The following GRID2 variants were observed in gnomAD, a reference collection of about 807,000 sequenced individuals.
GRID2 encodes the protein glutamate receptor ionotropic, delta-2.
A neutral mutation model predicts 114.8 loss-of-function variants in GRID2; 33 were observed. The ratio of observed to expected loss-of-function variants is 0.29; its 90% confidence interval spans 0.22 to 0.38. The LOEUF (loss-of-function observed/expected upper bound fraction) is 0.38, where lower values mean the gene tolerates loss of function less well. Ranked by LOEUF, GRID2 falls within the 10% of genes least tolerant of loss-of-function variation. GRID2 has a pLI of 1.00. For synonymous variants in GRID2, 505 were observed against 449.9 expected (o/e 1.12, Z -1.55); for missense variants, 1,184 against 1,257.7 (o/e 0.94, Z 0.89).
At chr4:92,953,643 G>A (rs1752182501) in intron 2 of GRID2, among the ~76,000 whole-genome samples, 2 of 152,020 alleles carry the variant, frequency 1.3e-5, no homozygotes, top group African/African-American at 4.8e-5. Flanking sequence ...TCTCTCGACA[G>A]GGAACAAATC....
chr4:93,679,538 C>T (rs1725289141), intron 14 of GRID2, among the ~76,000 whole-genome samples: 1 of 150,842 alleles, frequency 6.6e-6, no homozygotes, highest in African/African-American at 2.5e-5. Context: ...GTAAAGCACT[C>T]CTCAGCAAAT....
intron 2 of GRID2, among the ~76,000 whole-genome samples, chr4:92,991,325 CA>C (rs1280578337): frequency 6.6e-6 from 1 of 151,818 alleles, no homozygotes. Context: ...AAAAGTAGGC[CA>C]AAAAAATTAC....
intron 2 of GRID2, among the ~76,000 whole-genome samples, chr4:92,956,252 A>G (rs1191806118): frequency 1.3e-5 from 2 of 152,184 alleles, no homozygotes; most frequent in Non-Finnish European, 2.9e-5. Context: ...ACCCGGGTTC[A>G]CAGTTAAAGT....
chr4:92,337,725 T>G (rs1233751003), intron 1 of GRID2, among the ~76,000 whole-genome samples: 1 of 152,128 alleles, frequency 6.6e-6, no homozygotes, highest in Non-Finnish European at 1.5e-5. Flanking sequence ...TCCCACCAGG[T>G]CTCTCCCTTG....
intron 2 of GRID2, among the ~76,000 whole-genome samples, chr4:93,062,577 C>T (rs1004929706): frequency 2.0e-5 from 3 of 152,032 alleles, no homozygotes; most frequent in Non-Finnish European, 4.4e-5. Flanking sequence ...TTTTCTTTGA[C>T]TCTGATTCCT....
chr4:92,322,781 A>G (rs1726384125), intron 1 of GRID2, among the ~76,000 whole-genome samples: 1 of 152,174 alleles, frequency 6.6e-6, no homozygotes, highest in African/African-American at 2.4e-5. Context: ...TGCTGATTAA[A>G]GAAACAAATT....
chr4:92,872,885 C>T (rs777552470), intron 2 of GRID2, among the ~76,000 whole-genome samples: 4 of 152,110 alleles, frequency 2.6e-5, no homozygotes, highest in Non-Finnish European at 5.9e-5. Context: ...TGAAATAATG[C>T]GGTAATTTTT....
chr4:93,476,950 A>G (rs1193284533), intron 11 of GRID2, among the ~76,000 whole-genome samples: 1 of 151,936 alleles, frequency 6.6e-6, no homozygotes, highest in Non-Finnish European at 1.5e-5. Flanking sequence ...TAAGGAAGAC[A>G]TGTGGCAGAC....
At chr4:92,452,482 A>C (rs781199187) in intron 1 of GRID2, among the ~76,000 whole-genome samples, 2 of 151,718 alleles carry the variant, frequency 1.3e-5, no homozygotes, top group African/African-American at 2.4e-5. Flanking sequence ...CACCCTGCTG[A>C]TTTTTGTATT....
At chr4:93,205,528 G>A (rs1216567383) in intron 4 of GRID2, among the ~76,000 whole-genome samples, 1 of 152,106 alleles carries the variant, frequency 6.6e-6, no homozygotes, top group East Asian at 1.9e-4. Context: ...TGGTGTATAT[G>A]TGCCACATTT....
In GRID2 at chr4:93,515,356, A is replaced by T. The variant is rs532544114; in HGVS notation, c.2138A>T (p.Asn713Ile). ...TATTCCCAAATGTGGCGGATGATCA[A>T]CCGAAGCAATGGATCGGAGAACAAT... ...SMYSQMWRMI[N>I]RSNGSENNVL... The change falls in exon 13 of 16, where the codon AAC (asparagine) becomes ATC (isoleucine). Residue 713 changes from asparagine to isoleucine, a missense_variant. Around this residue, in one of 3 missense-constraint regions of GRID2, gnomAD observed 717 missense variants for 796.9 expected, o/e 0.90. Transcript: ENST00000282020. The T allele has an allele frequency of 1.2e-6, 2 of 1,613,224 alleles. No homozygotes were observed. The highest frequency in any genetic ancestry group is 1.3e-5 in the African/African-American group (1 of 74,878).
intron 2 of GRID2, among the ~76,000 whole-genome samples, chr4:92,778,178 G>T (rs1389603620): frequency 6.6e-6 from 1 of 151,944 alleles, no homozygotes; most frequent in Non-Finnish European, 1.5e-5. Flanking sequence ...ATCTCAATGA[G>T]AACTTTTTCA....
chr4:92,571,769 G>T (rs1727635484), intron 1 of GRID2, among the ~76,000 whole-genome samples: 1 of 152,086 alleles, frequency 6.6e-6, no homozygotes, highest in Non-Finnish European at 1.5e-5. Flanking sequence ...TGAACAACCT[G>T]CTCCTGAATG....
intron 2 of GRID2, among the ~76,000 whole-genome samples, chr4:93,001,470 A>T (rs571848045): frequency 6.6e-6 from 1 of 151,858 alleles, no homozygotes; most frequent in South Asian, 2.1e-4. Context: ...CTATTGTACT[A>T]TCTGCTAGAA....
At chr4:93,726,646 C>T (rs1370612560) in intron 14 of GRID2, among the ~76,000 whole-genome samples, 1 of 152,074 alleles carries the variant, frequency 6.6e-6, no homozygotes, top group Non-Finnish European at 1.5e-5. Flanking sequence ...TTGTTTGTAT[C>T]CTCTTTTATC....
chr4:92,506,540 T>C (rs1723980713), intron 1 of GRID2, among the ~76,000 whole-genome samples: 1 of 151,966 alleles, frequency 6.6e-6, no homozygotes, highest in African/African-American at 2.4e-5. Flanking sequence ...GAAAAGTTTG[T>C]CATGACTATG....
intron 13 of GRID2, among the ~76,000 whole-genome samples, chr4:93,562,865 G>A (rs1487812695): frequency 6.6e-6 from 1 of 151,852 alleles, no homozygotes; most frequent in Non-Finnish European, 1.5e-5. Context: ...CTATATCTGG[G>A]CTCTCTATTC....
At chr4:92,442,488 G>A (rs1208688791) in intron 1 of GRID2, among the ~76,000 whole-genome samples, 1 of 152,100 alleles carries the variant, frequency 6.6e-6, no homozygotes, top group Non-Finnish European at 1.5e-5. Context: ...GCGTTTGGAA[G>A]TTCTTGTGTG....
chr4:92,797,962 C>A (rs1334828734), intron 2 of GRID2, among the ~76,000 whole-genome samples: 1 of 151,868 alleles, frequency 6.6e-6, no homozygotes, highest in East Asian at 1.9e-4. Flanking sequence ...TTTTTACTGC[C>A]TTAAAAATTG....
Sources: allele counts gnomAD v4.1 joint callset (sites outside exome capture counted in the v4.1 genomes callset), GRCh38; gene constraint gnomAD v4.1.1; regional missense constraint gnomAD v4.1.1; transcripts MANE v1.5; gene names NCBI Gene and HGNC (gene_info 2026-07-23, HGNC 2026-07-21).